IMMP2L: variants seen among roughly 807,000 people sequenced by gnomAD.
IMMP2L encodes the protein mitochondrial inner membrane protease subunit 2.
IMMP2L carries 18 observed loss-of-function variants against 19.3 expected under a neutral mutation model. The ratio of observed to expected loss-of-function variants is 0.93; its 90% CI spans 0.64 to 1.38. The LOEUF (loss-of-function observed/expected upper bound fraction) is 1.38, where lower values mean the gene tolerates loss of function less well. Among genes scored for constraint, IMMP2L ranks in the 40% most tolerant of loss-of-function variants. IMMP2L has a pLI of 0.00. For synonymous variants in IMMP2L, 76 were observed against 73.0 expected (o/e 1.04, Z -0.21); for missense variants, 233 against 218.2 (o/e 1.07, Z -0.43).
At chr7:110,926,511 ATCC>A (rs1207010313) in intron 4 of IMMP2L, among the ~76,000 whole-genome samples, 1 of 152,134 alleles carries the variant, frequency 6.6e-6, no homozygotes, top group Non-Finnish European at 1.5e-5. Context: ...AAGAAATATA[ATCC>A]TCATCTCTTT....
chr7:110,720,073 C>G (rs910986036), intron 5 of IMMP2L, among the ~76,000 whole-genome samples: 1 of 152,148 alleles, frequency 6.6e-6, no homozygotes, highest in African/African-American at 2.4e-5. Flanking sequence ...TCCTGGAAAT[C>G]TCATAATGTC....
chr7:111,517,278 C>T (rs1291058338), intron 2 of IMMP2L, among the ~76,000 whole-genome samples: 5 of 152,042 alleles, frequency 3.3e-5, no homozygotes, highest in African/African-American at 1.2e-4. Context: ...AATTAAACTG[C>T]ATTTTCCTTC....
chr7:111,217,124 T>TCACA (rs1281616330), intron 3 of IMMP2L, among the ~76,000 whole-genome samples: 57 of 102,726 alleles, frequency 5.5e-4, no homozygotes, highest in African/African-American at 8.9e-4. Context: ...TCTCTCTCTC[T>TCACA]CTCACACACA....
At chr7:111,028,825 T>C (rs774170182) in intron 3 of IMMP2L, among the ~76,000 whole-genome samples, 1 of 152,138 alleles carries the variant, frequency 6.6e-6, no homozygotes, top group Non-Finnish European at 1.5e-5. Flanking sequence ...CATCTGCATA[T>C]AAAATGATTG....
intron 3 of IMMP2L, among the ~76,000 whole-genome samples, chr7:111,250,156 A>T (rs543763030): frequency 6.6e-6 from 1 of 152,124 alleles, no homozygotes; most frequent in Non-Finnish European, 1.5e-5. Flanking sequence ...CCCATTCACA[A>T]TTCCTACAAA....
Position 110,919,366 on chromosome 7 carries a change from A to G in IMMP2L, c.306-32671T>C, listed in dbSNP as rs76870577. ...ATAACAAACTAACTGAAACCTGCAA[A>G]TAACCAGGATTTCAATATTAGAAAT... On this transcript the variant is annotated intron_variant, in intron 4 of 5. Transcript: ENST00000405709. Among the ~76,000 whole-genome samples, 1,025 of 152,308 alleles carry G rather than the reference A, an allele frequency of 6.7e-3. 12 individuals carry two copies. Among genetic ancestry groups the G allele is most frequent in the African/African-American group, 0.023 (960 of 41,572 alleles).
At chr7:110,806,374 C>T (rs1170300441) in intron 5 of IMMP2L, among the ~76,000 whole-genome samples, 2 of 151,798 alleles carry the variant, frequency 1.3e-5, no homozygotes, top group Non-Finnish European at 2.9e-5. Flanking sequence ...AATAGATTAA[C>T]ATGATAAAAT....
At chr7:111,171,223 G>GA (rs1282626416) in intron 3 of IMMP2L, among the ~76,000 whole-genome samples, 1 of 151,616 alleles carries the variant, frequency 6.6e-6, no homozygotes, top group African/African-American at 2.4e-5. Flanking sequence ...CATACACAGA[G>GA]AAAGAGGATA....
intron 5 of IMMP2L, among the ~76,000 whole-genome samples, chr7:110,774,695 G>GT (rs1799259396): frequency 6.6e-6 from 1 of 152,034 alleles, no homozygotes; most frequent in African/African-American, 2.4e-5. Context: ...ATTTAGAACA[G>GT]TAACATGCTA....
At chr7:110,918,657 T>C (rs1203205456) in intron 4 of IMMP2L, among the ~76,000 whole-genome samples, 1 of 151,888 alleles carries the variant, frequency 6.6e-6, no homozygotes, top group East Asian at 1.9e-4. Flanking sequence ...GGTTTCACCA[T>C]GTTGGCCAGG....
chr7:110,935,541 T>G (rs150408620), intron 4 of IMMP2L, among the ~76,000 whole-genome samples: 1,712 of 152,176 alleles, frequency 0.011, 32 homozygotes, highest in African/African-American at 0.039. Context: ...TGAATGTTGA[T>G]CTGTCTTGCT....
chr7:110,877,340 T>G lies in IMMP2L; in HGVS notation c.408+9253A>C, dbSNP rs1809179560. Among the ~76,000 whole-genome samples, 1 of 152,150 alleles carries G rather than the reference T, an allele frequency of 6.6e-6. No homozygotes were observed. Among genetic ancestry groups the G allele is most frequent in the Non-Finnish European group, 1.5e-5 (1 of 68,034 alleles). ...TTGCCTTGGCAAAGTTCACAGTCTT[T>G]TCACACACAGAATCACTGTGCAATT... On this transcript the variant is annotated intron_variant, in intron 5 of 5. Transcript: ENST00000405709. This position sits in a 1 kb window ranked among gnomAD's most constrained non-coding sequence, Gnocchi z 4.0.
At chr7:111,358,757 T>A (rs28494046) in intron 3 of IMMP2L, among the ~76,000 whole-genome samples, 1 of 152,122 alleles carries the variant, frequency 6.6e-6, no homozygotes, top group Non-Finnish European at 1.5e-5. Flanking sequence ...GTTGATCTTA[T>A]GCTGTTATAG....
At chr7:111,414,018 T>C (rs1008895258) in intron 3 of IMMP2L, among the ~76,000 whole-genome samples, 4 of 151,788 alleles carry the variant, frequency 2.6e-5, no homozygotes, top group African/African-American at 4.9e-5. Context: ...AGTGGTTTCC[T>C]GGCAAGTCGC....
chr7:111,116,700 T>C (rs968311032), intron 3 of IMMP2L, among the ~76,000 whole-genome samples: 2 of 152,150 alleles, frequency 1.3e-5, no homozygotes, highest in African/African-American at 2.4e-5. Context: ...AGTTTTTATT[T>C]TATTCCTTCC....
intron 3 of IMMP2L, among the ~76,000 whole-genome samples, chr7:111,319,590 A>G (rs979704747): frequency 6.6e-5 from 10 of 152,084 alleles, no homozygotes; most frequent in Admixed American, 5.9e-4. Context: ...TTAGCTTTAA[A>G]TCAATTTTAT....
At chr7:110,872,410 T>A (rs1380391696) in intron 5 of IMMP2L, among the ~76,000 whole-genome samples, 1 of 152,178 alleles carries the variant, frequency 6.6e-6, no homozygotes. Flanking sequence ...TGTACCTCTG[T>A]CTCTGGCTTT....
chr7:110,918,532 T>G (rs529911522), intron 4 of IMMP2L, among the ~76,000 whole-genome samples: 41 of 151,016 alleles, frequency 2.7e-4, no homozygotes, highest in African/African-American at 9.3e-4. Flanking sequence ...CTCGGCTCAC[T>G]GCAACCTCTG....
At chr7:111,352,001 G>A (rs1828208831) in intron 3 of IMMP2L, among the ~76,000 whole-genome samples, 1 of 152,162 alleles carries the variant, frequency 6.6e-6, no homozygotes, top group Non-Finnish European at 1.5e-5. Flanking sequence ...GCACTTGACA[G>A]AGAATATTTC....
Sources: gnomAD v4.1 joint callset for allele counts (sites outside exome capture counted in the v4.1 genomes callset) on GRCh38, gnomAD v4.1.1 for gene constraint, Gnocchi (gnomAD v3.1) non-coding constraint, MANE v1.5 for transcripts, NCBI Gene and HGNC (gene_info 2026-07-23, HGNC 2026-07-21) for gene names.